The following PEAK1 variants were observed in gnomAD, a reference collection of about 807,000 sequenced individuals.
PEAK1 encodes the protein pseudopodium enriched atypical kinase 1, also known as inactive tyrosine-protein kinase PEAK1.
PEAK1 carries 54 observed loss-of-function variants against 124.7 expected under a neutral mutation model. That is an observed-to-expected ratio of 0.43 (90% CI 0.35 to 0.54). The LOEUF (loss-of-function observed/expected upper bound fraction) is 0.54. PEAK1 is among the 20% of genes least tolerant of loss of function. PEAK1 has a pLI of 0.01. For synonymous variants in PEAK1, 719 were observed against 760.0 expected, an observed-to-expected ratio of 0.95 and a Z score of 0.89; for missense variants, 2,046 against 2,134.5, an observed-to-expected ratio of 0.96 and a Z score of 0.82.
At chr15:77,241,338 A>T (rs2152911520) in intron 6 of PEAK1, among the ~76,000 whole-genome samples, 1 of 152,286 alleles carries the variant, frequency 6.6e-6, no homozygotes, top group African/African-American at 2.4e-5. Flanking sequence ...CTTCAACATA[A>T]TTAAAGGGCA....
Position 77,114,098 on chromosome 15 carries a change from A to AG in PEAK1, c.*57dup. 11 of 1,542,250 alleles carry AG rather than the reference A, an allele frequency of 7.1e-6. No homozygotes were observed. Among genetic ancestry groups the AG allele is most frequent in the Non-Finnish European group, 9.8e-6 (11 of 1,125,820 alleles). Reference sequence around the variant, plus strand: ...TTTGGAGTGAGCACTAGGGAGGGGAAGTGCATGGGTGACATGAAGAAGGTG... The same window carrying AG: ...TTTGGAGTGAGCACTAGGGAGGGGAAGGTGCATGGGTGACATGAAGAAGGTG... On this transcript the variant is annotated 3_prime_UTR_variant, in exon 10 of 10. Coordinates refer to ENST00000682557, the MANE Select transcript of PEAK1 (RefSeq NM_001385026.1).
chr15:77,161,965 CAAA>C (rs33972250), intron 7 of PEAK1, among the ~76,000 whole-genome samples: 1 of 84,492 alleles, frequency 1.2e-5, no homozygotes, highest in Non-Finnish European at 2.1e-5. Flanking sequence ...GACTCTGTCT[CAAA>C]AAAAAAAAAA....
At chr15:77,334,682 A>G in intron 2 of PEAK1, 17 of 985,060 alleles carry the variant, frequency 1.7e-5, no homozygotes, top group Non-Finnish European at 2.0e-5. Context: ...ATTTCCATCT[A>G]TTTTTTTAAC....
chr15:77,387,285 T>G (rs1262188924), intron 1 of PEAK1, among the ~76,000 whole-genome samples: 7 of 152,206 alleles, frequency 4.6e-5, no homozygotes. Context: ...ACCTGATACT[T>G]TACTCTCTTC....
At chr15:77,258,355 A>G (rs920867558) in intron 5 of PEAK1, among the ~76,000 whole-genome samples, 6 of 152,180 alleles carry the variant, frequency 3.9e-5, no homozygotes, top group African/African-American at 2.4e-5. Context: ...CTTCCTACCC[A>G]TGAGCGTGGA....
chr15:77,230,994 G>T (rs1452824900), intron 6 of PEAK1, among the ~76,000 whole-genome samples: 1 of 152,014 alleles, frequency 6.6e-6, no homozygotes, highest in Non-Finnish European at 1.5e-5. Flanking sequence ...AGACTTTATT[G>T]TGTTTAGTTT....
intron 1 of PEAK1, among the ~76,000 whole-genome samples, chr15:77,415,437 T>TG (rs1434719149): frequency 1.3e-5 from 2 of 152,160 alleles, no homozygotes; most frequent in African/African-American, 4.8e-5. Flanking sequence ...TGTGTGTGTG[T>TG]TTTTTAAGAG....
In PEAK1 at chr15:77,286,471, C is replaced by A; in HGVS notation, c.-569G>T. On this transcript the variant is annotated 5_prime_UTR_variant, in exon 3 of 10. Coordinates refer to ENST00000682557, the MANE Select transcript of PEAK1 (RefSeq NM_001385026.1). The stretch of plus-strand genomic sequence containing the variant: ...GGGCATTATGTTGTTGCTTCCTTTT[C>A]TTTCCTTACAAATGGATCTCAAGTA... 1 of 1,230,080 alleles carries A rather than the reference C, an allele frequency of 8.1e-7. No homozygotes were observed. The highest frequency in any genetic ancestry group is 1.6e-5 in the African/African-American group (1 of 64,482). The allele number at this position is 1,230,080 out of a possible 1,614,324, so 76.2% of individuals were successfully genotyped here.
chr15:77,265,907 C>A (rs2061699112), intron 5 of PEAK1, among the ~76,000 whole-genome samples: 1 of 152,270 alleles, frequency 6.6e-6, no homozygotes, highest in East Asian at 1.9e-4. Flanking sequence ...ACGTATACAC[C>A]ATGGAATACT....
At chr15:77,226,072 T>TATATATATA (rs2059654806) in intron 6 of PEAK1, among the ~76,000 whole-genome samples, 1 of 137,220 alleles carries the variant, frequency 7.3e-6, no homozygotes, top group Non-Finnish European at 1.6e-5. Flanking sequence ...TATATATATA[T>TATATATATA]ATATATATAT....
chr15:77,221,059 AT>A (rs922868652), intron 6 of PEAK1, among the ~76,000 whole-genome samples: 1 of 152,138 alleles, frequency 6.6e-6, no homozygotes, highest in Admixed American at 6.6e-5. Context: ...TTTAATATTT[AT>A]TGTTTTCATA....
intron 2 of PEAK1, chr15:77,347,468 G>C: frequency 1.0e-6 from 1 of 985,340 alleles, no homozygotes; most frequent in Non-Finnish European, 1.2e-6. Context: ...TCAACATCTA[G>C]GGCTGGCACA....
chr15:77,332,610 T>A (rs1013519318), intron 2 of PEAK1, among the ~76,000 whole-genome samples: 107 of 151,894 alleles, frequency 7.0e-4, no homozygotes, highest in Admixed American at 9.8e-4. Context: ...AAAAAATAAA[T>A]AAATAAATAA....
intron 2 of PEAK1, chr15:77,348,658 T>A: frequency 3.0e-6 from 3 of 985,388 alleles, no homozygotes; most frequent in Non-Finnish European, 2.4e-6. Flanking sequence ...CTTTCATGTA[T>A]AAGATCCAAT....
intron 9 of PEAK1, among the ~76,000 whole-genome samples, chr15:77,132,709 A>AT (rs1336274609): frequency 6.6e-6 from 1 of 151,856 alleles, no homozygotes; most frequent in Non-Finnish European, 1.5e-5. Context: ...AAAAAAAAAA[A>AT]AAAAGACTTC....
intron 2 of PEAK1, among the ~76,000 whole-genome samples, chr15:77,356,802 T>C (rs2067545884): frequency 6.6e-6 from 1 of 152,238 alleles, no homozygotes; most frequent in African/African-American, 2.4e-5. Flanking sequence ...TTTTAAAAGA[T>C]GGAATTTATT....
intron 7 of PEAK1, among the ~76,000 whole-genome samples, chr15:77,167,055 G>A (rs547842231): frequency 6.6e-6 from 1 of 152,226 alleles, no homozygotes; most frequent in East Asian, 1.9e-4. Context: ...TTGGTCCCAG[G>A]AACACATTCT....
intron 6 of PEAK1, among the ~76,000 whole-genome samples, chr15:77,236,770 T>C (rs2060143143): frequency 6.6e-6 from 1 of 152,148 alleles, no homozygotes; most frequent in African/African-American, 2.4e-5. Flanking sequence ...CCAGGTATCA[T>C]AGGAGGGACC....
intron 5 of PEAK1, among the ~76,000 whole-genome samples, chr15:77,264,056 C>A (rs772495376): frequency 1.4e-4 from 22 of 152,074 alleles, no homozygotes; most frequent in East Asian, 1.3e-3. Context: ...ATTCAACAAC[C>A]CTTCATGCTA....
Sources: gnomAD v4.1 joint callset for allele counts (sites outside exome capture counted in the v4.1 genomes callset) on GRCh38, gnomAD v4.1.1 for gene constraint, MANE v1.5 for transcripts, NCBI Gene and HGNC (gene_info 2026-07-23, HGNC 2026-07-21) for gene names.